Variants in MARCHF1 observed in about 807,000 individuals in gnomAD.
The protein encoded by MARCHF1 is membrane associated ring-CH-type finger 1.
MARCHF1 carries 40 observed loss-of-function variants against 54.2 expected under a neutral mutation model. The observed-to-expected ratio is 0.74, with a 90% CI of 0.57 to 0.96. MARCHF1 has a LOEUF of 0.96. Among genes scored for constraint, MARCHF1 ranks in the 40% least tolerant of loss-of-function variants. The pLI is 0.00. For missense variants in MARCHF1, 586 were observed against 656.5 expected (o/e 0.89, Z 1.17); for synonymous variants, 236 against 236.3 (o/e 1.00, Z 0.01).
intron 3 of MARCHF1, among the ~76,000 whole-genome samples, chr4:163,970,188 T>A (rs1397059688): frequency 6.6e-6 from 1 of 152,214 alleles, no homozygotes; most frequent in African/African-American, 2.4e-5. Context: ...TTTAAAAATA[T>A]TTATTTAGAG....
At chr4:163,580,394 A>G (rs1421935724) in intron 8 of MARCHF1, among the ~76,000 whole-genome samples, 4 of 152,164 alleles carry the variant, frequency 2.6e-5, no homozygotes, top group African/African-American at 7.2e-5. Context: ...ACACATTTTT[A>G]TAAGCCCTAA....
At chr4:163,725,884 A>C (rs1745637632) in intron 4 of MARCHF1, among the ~76,000 whole-genome samples, 2 of 152,254 alleles carry the variant, frequency 1.3e-5, no homozygotes, top group African/African-American at 4.8e-5. Context: ...AATTTTTACT[A>C]AACAACTATG....
chr4:164,212,068 G>GTGATGATGA (rs143268270), intron 1 of MARCHF1, among the ~76,000 whole-genome samples: 1 of 151,876 alleles, frequency 6.6e-6, no homozygotes, highest in Non-Finnish European at 1.5e-5. Context: ...TGCTCTCAAA[G>GTGATGATGA]TGATGATGAT....
chr4:163,830,721 T>G (rs1748994709), intron 4 of MARCHF1, among the ~76,000 whole-genome samples: 1 of 151,926 alleles, frequency 6.6e-6, no homozygotes, highest in African/African-American at 2.4e-5. Flanking sequence ...AAGACCAGCC[T>G]GGGCAACAGA....
intron 1 of MARCHF1, among the ~76,000 whole-genome samples, chr4:164,299,917 A>T (rs1389806304): frequency 6.6e-6 from 1 of 152,226 alleles, no homozygotes; most frequent in Non-Finnish European, 1.5e-5. Context: ...TACTTGTTCC[A>T]TATGAAATAT....
intron 5 of MARCHF1, among the ~76,000 whole-genome samples, chr4:163,689,288 C>A (rs577764919): frequency 5.3e-5 from 8 of 152,272 alleles, no homozygotes; most frequent in Admixed American, 3.3e-4. Context: ...TTGAAAACAT[C>A]ATCACATATT....
intron 1 of MARCHF1, among the ~76,000 whole-genome samples, chr4:164,260,933 T>G (rs1405976961): frequency 6.6e-6 from 1 of 152,202 alleles, no homozygotes; most frequent in Admixed American, 6.5e-5. Context: ...GTGTTTTCTA[T>G]TTGGAAGCTA....
intron 1 of MARCHF1, among the ~76,000 whole-genome samples, chr4:164,346,624 A>G (rs1238033876): frequency 0.023 from 137 of 5,876 alleles, 6 homozygotes; most frequent in South Asian, 0.061. Flanking sequence ...ATATATATAT[A>G]TATATATATA....
intron 3 of MARCHF1, among the ~76,000 whole-genome samples, chr4:163,885,031 A>T (rs564333049): frequency 2.2e-4 from 33 of 152,310 alleles, no homozygotes; most frequent in Non-Finnish European, 4.4e-4. Flanking sequence ...GTGGTCTCCA[A>T]AATAGAATAA....
rs1391505545 is a variant in MARCHF1, at chr4:163,530,060, AC to A, written c.1340-1015del. ...TTTGACTTTGGATTTTTATTTACTT[AC>A]AACAGTGATTAGAGTTATAAGAAAT... is the stretch of plus-strand genomic sequence containing the variant. On this transcript the variant is annotated intron_variant, in intron 9 of 9. Coordinates refer to ENST00000514618, the MANE Select transcript of MARCHF1 (RefSeq NM_001394959.1). 3 of 152,162 alleles carry A rather than the reference AC, an allele frequency of 2.0e-5. No homozygotes were observed. In the East Asian group the frequency reaches 5.8e-4, roughly 29 times the overall value. 9.4% of individuals were successfully genotyped at this position (152,162 alleles called of 1,614,324 possible).
At chr4:164,232,119 C>G (rs1560965146) in intron 1 of MARCHF1, among the ~76,000 whole-genome samples, 1 of 152,104 alleles carries the variant, frequency 6.6e-6, no homozygotes, top group African/African-American at 2.4e-5. Context: ...TCACAAAGAA[C>G]AAAGTCAGTA....
At chr4:163,576,128 G>A (rs1268435591) in intron 8 of MARCHF1, among the ~76,000 whole-genome samples, 4 of 151,920 alleles carry the variant, frequency 2.6e-5, no homozygotes, top group African/African-American at 9.7e-5. Context: ...TAGGTGTGAT[G>A]TTAGATTGTT....
chr4:163,733,199 A>ACATACACATGTG, intron 4 of MARCHF1, among the ~76,000 whole-genome samples: 1 of 39,884 alleles, frequency 2.5e-5, no homozygotes, highest in Admixed American at 3.0e-4. Context: ...ATATATATAT[A>ACATACACATGTG]TATATATATA....
intron 3 of MARCHF1, among the ~76,000 whole-genome samples, chr4:163,937,292 A>G (rs899571457): frequency 1.3e-5 from 2 of 152,076 alleles, no homozygotes; most frequent in African/African-American, 4.8e-5. Flanking sequence ...ATACTCACAT[A>G]CCCAAATATA....
intron 1 of MARCHF1, among the ~76,000 whole-genome samples, chr4:164,215,845 C>T (rs529809732): frequency 2.6e-5 from 4 of 152,218 alleles, no homozygotes; most frequent in African/African-American, 9.6e-5. Context: ...TTTTCTATAT[C>T]AACAACAGTA....
intron 1 of MARCHF1, among the ~76,000 whole-genome samples, chr4:164,158,053 C>T (rs961378121): frequency 6.6e-6 from 1 of 152,232 alleles, no homozygotes; most frequent in South Asian, 2.1e-4. Flanking sequence ...AATTCATTAG[C>T]AGCACACAGG....
chr4:163,660,262 A>C (rs1743299346), intron 5 of MARCHF1, among the ~76,000 whole-genome samples: 1 of 152,104 alleles, frequency 6.6e-6, no homozygotes, highest in African/African-American at 2.4e-5. Context: ...AGGGACATGG[A>C]TGAAGGTGGA....
chr4:163,822,060 T>C (rs1426446704), intron 4 of MARCHF1, among the ~76,000 whole-genome samples: 1 of 151,964 alleles, frequency 6.6e-6, no homozygotes, highest in African/African-American at 2.4e-5. Context: ...TTGCCAAAAC[T>C]TTTAATTACT....
At position 164,313,348 on chromosome 4, in the gene MARCHF1, C is replaced by CAAAAAAAA. The variant is rs553280791; in HGVS notation, c.-323+70514_-323+70521dup. On this transcript the variant is annotated intron_variant, in intron 1 of 9. Coordinates refer to ENST00000514618, the MANE Select transcript of MARCHF1 (RefSeq NM_001394959.1). ...TGGGTGGCAGAGCAAGACTCTGTCT[C>CAAAAAAAA]AAAAAAAAAAAAAAAAAAAGTGTAG... Among the ~76,000 whole-genome samples, 77 of 80,212 alleles carry CAAAAAAAA rather than the reference C, an allele frequency of 9.6e-4. 1 individual carries two copies. The highest frequency in any genetic ancestry group is 8.3e-3 in the Middle Eastern group (1 of 120). 52.6% of individuals were successfully genotyped at this position (80,212 alleles called of 152,430 possible).
Sources: allele counts gnomAD v4.1 joint callset (sites outside exome capture counted in the v4.1 genomes callset), GRCh38; gene constraint gnomAD v4.1.1; transcripts MANE v1.5; gene names NCBI Gene and HGNC (gene_info 2026-07-23, HGNC 2026-07-21).